The following GRM7 variants were observed in gnomAD, a reference collection of about 807,000 sequenced individuals.
GRM7 encodes metabotropic glutamate receptor 7.
A neutral mutation model predicts 84.5 loss-of-function variants in GRM7; 35 were observed. That is an observed-to-expected ratio of 0.41 (90% CI 0.32 to 0.55). The LOEUF (loss-of-function observed/expected upper bound fraction) is 0.55. GRM7 is among the 20% of genes least tolerant of loss of function. The pLI, the probability that GRM7 is intolerant of heterozygous loss-of-function variation, is 0.19. For missense variants in GRM7, 1,003 were observed against 1,194.6 expected, an observed-to-expected ratio of 0.84 and a Z score of 2.36; for synonymous variants, 487 against 455.1, an observed-to-expected ratio of 1.07 and a Z score of -0.89.
At chr3:6,981,379 C>T (rs1694194270) in intron 1 of GRM7, among the ~76,000 whole-genome samples, 1 of 152,106 alleles carries the variant, frequency 6.6e-6, no homozygotes, top group Admixed American at 6.5e-5. Flanking sequence ...GAACAAAGGG[C>T]TTTGAAGAGG....
At chr3:7,017,532 T>G (rs1695610186) in intron 1 of GRM7, among the ~76,000 whole-genome samples, 1 of 152,198 alleles carries the variant, frequency 6.6e-6, no homozygotes, top group Non-Finnish European at 1.5e-5. Flanking sequence ...GAAGTAAGTA[T>G]GTAAAAAGTA....
intron 5 of GRM7, among the ~76,000 whole-genome samples, chr3:7,426,217 T>G (rs1696605199): frequency 6.6e-6 from 1 of 152,242 alleles, no homozygotes; most frequent in Middle Eastern, 3.4e-3. Flanking sequence ...TCTCCCGGGT[T>G]CAAGTGATTC....
At chr3:7,449,384 C>G (rs1217196058) in intron 5 of GRM7, among the ~76,000 whole-genome samples, 2 of 152,072 alleles carry the variant, frequency 1.3e-5, no homozygotes, top group Admixed American at 1.3e-4. Context: ...AGCAAGGCTT[C>G]TGTTCTAGGT....
At chr3:7,598,755 A>C (rs1696168760) in intron 8 of GRM7, among the ~76,000 whole-genome samples, 1 of 152,188 alleles carries the variant, frequency 6.6e-6, no homozygotes, top group Admixed American at 6.5e-5. Context: ...ATACTTCTTG[A>C]CAGCACAGAA....
rs1261802906 is a variant in GRM7, at chr3:7,729,365, T to C, written c.2699-10992T>C. 3.3e-5 allele frequency among the ~76,000 whole-genome samples: 5 copies of C among 152,190 alleles called. No homozygotes were observed. The East Asian group carries it at 9.6e-4, about 29-fold the overall frequency. On this transcript the variant is annotated intron_variant, in intron 9 of 9. Transcript: ENST00000357716. ...GTACTTTTGGTTGGTGGTTTTGCAG[T>C]TTAAAATAACTCCTATACATATTAC...
chr3:7,229,739 ATATATATATATATATATATATTTTT>A (rs1559514554), intron 2 of GRM7, among the ~76,000 whole-genome samples: 1 of 26,250 alleles, frequency 3.8e-5, no homozygotes, highest in African/African-American at 1.4e-4. Context: ...ATATATATAT[ATATATATATATATATATATATTTTT>A]TTTTTTTTTT....
chr3:7,204,246 C>T (rs1394460136), intron 2 of GRM7, among the ~76,000 whole-genome samples: 5 of 152,096 alleles, frequency 3.3e-5, no homozygotes, highest in African/African-American at 4.8e-5. Context: ...ATCTAGGCCT[C>T]GTGTCAGTAT....
At chr3:7,204,925 C>T (rs1446063565) in intron 2 of GRM7, among the ~76,000 whole-genome samples, 1 of 152,130 alleles carries the variant, frequency 6.6e-6, no homozygotes, top group Non-Finnish European at 1.5e-5. Context: ...ATAAGTAACT[C>T]AATGAAAACT....
At chr3:7,591,193 A>G (rs982570024) in intron 8 of GRM7, among the ~76,000 whole-genome samples, 10 of 152,226 alleles carry the variant, frequency 6.6e-5, no homozygotes, top group Admixed American at 1.3e-4. Flanking sequence ...AAGATTGCGC[A>G]GACAAAGCTA....
intron 9 of GRM7, among the ~76,000 whole-genome samples, chr3:7,739,573 G>A (rs1002543930): frequency 2.0e-5 from 3 of 152,250 alleles, no homozygotes; most frequent in Middle Eastern, 3.4e-3. Context: ...GCACACTCTG[G>A]GATCCTGGTG....
chr3:7,520,042 T>G (rs2124989414), intron 7 of GRM7: 1 of 152,262 alleles, frequency 6.6e-6, no homozygotes, highest in East Asian at 1.9e-4. Flanking sequence ...GAGAGACAGG[T>G]GGAAGATACG....
At chr3:7,555,628 A>G (rs1237374762) in intron 7 of GRM7, among the ~76,000 whole-genome samples, 1 of 152,192 alleles carries the variant, frequency 6.6e-6, no homozygotes, top group African/African-American at 2.4e-5. Context: ...GAATTTTAGG[A>G]TTTGGGTTTG....
chr3:6,917,562 A>G (rs148087178), intron 1 of GRM7, among the ~76,000 whole-genome samples: 2,148 of 151,790 alleles, frequency 0.014, 26 homozygotes, highest in Non-Finnish European at 0.024. Context: ...AGAGTTTTAA[A>G]AATGGTTCCC....
intron 2 of GRM7, among the ~76,000 whole-genome samples, chr3:7,222,562 T>G (rs1311321028): frequency 6.6e-6 from 1 of 152,164 alleles, no homozygotes; most frequent in African/African-American, 2.4e-5. Context: ...AGAAAGGAAC[T>G]CCGCCCTGCT....
chr3:7,647,813 T>C (rs1236230430), intron 8 of GRM7, among the ~76,000 whole-genome samples: 1 of 101,892 alleles, frequency 9.8e-6, no homozygotes, highest in Non-Finnish European at 2.3e-5. Context: ...GAGCAGATGG[T>C]CTTGCTTTTT....
At chr3:7,232,818 C>T (rs1697236311) in intron 2 of GRM7, among the ~76,000 whole-genome samples, 1 of 152,124 alleles carries the variant, frequency 6.6e-6, no homozygotes, top group Non-Finnish European at 1.5e-5. Flanking sequence ...ATCTGATGCA[C>T]TCAATTTAGG....
chr3:7,635,797 C>A (rs994082671), intron 8 of GRM7, among the ~76,000 whole-genome samples: 6 of 152,120 alleles, frequency 3.9e-5, no homozygotes, highest in Admixed American at 6.5e-5. Context: ...CCTCACCTTC[C>A]TGAGTATCTG....
At chr3:7,485,315 C>T (rs1402593763) in intron 7 of GRM7, among the ~76,000 whole-genome samples, 1 of 152,162 alleles carries the variant, frequency 6.6e-6, no homozygotes, top group African/African-American at 2.4e-5. Flanking sequence ...TGCATACACT[C>T]AGGAGAATTA....
At chr3:7,215,922 C>T (rs1388954532) in intron 2 of GRM7, among the ~76,000 whole-genome samples, 1 of 152,142 alleles carries the variant, frequency 6.6e-6, no homozygotes, top group Non-Finnish European at 1.5e-5. Context: ...GAGGGATTCC[C>T]ATCCAGTCGT....
Sources: gnomAD v4.1 joint callset for allele counts (sites outside exome capture counted in the v4.1 genomes callset) on GRCh38, gnomAD v4.1.1 for gene constraint, MANE v1.5 for transcripts, NCBI Gene and HGNC (gene_info 2026-07-23, HGNC 2026-07-21) for gene names.